Variants in SAXO1 observed in about 807,000 individuals in gnomAD.
The protein encoded by SAXO1 is 4930500O09Rik.
In SAXO1, 21 loss-of-function variants were observed where a neutral mutation model predicts 17.5. That is an observed-to-expected ratio of 1.20 (90% CI 0.85 to 1.72). The LOEUF is 1.72. Among genes scored for constraint, SAXO1 ranks in the 40% most tolerant of loss-of-function variants. The probability of loss-of-function intolerance (pLI) is 0.00; values close to 1 mark genes in which losing one functional copy is unlikely to be tolerated. For missense variants in SAXO1, 843 were observed against 596.0 expected, an observed-to-expected ratio of 1.41 and a Z score of -4.32; for synonymous variants, 274 against 216.5, an observed-to-expected ratio of 1.27 and a Z score of -2.33.
rs75044005 is a variant in SAXO1, at chr9:19,008,845, C to T, written c.38+24026G>A. Among the ~76,000 whole-genome samples, 598 of 152,264 alleles carry T rather than the reference C, an allele frequency of 3.9e-3. 9 individuals carry two copies. Among genetic ancestry groups the T allele is most frequent in the East Asian group, 0.032 (165 of 5,182 alleles). On this transcript the variant is annotated intron_variant, in intron 1 of 3. Transcript: ENST00000380534. ...CAGGTCCAGGAGCAACTGTGTCTGG[C>T]AAACATACCTGTTCTCTGGGAGCCC... is the stretch of plus-strand genomic sequence containing the variant.
intron 1 of SAXO1, among the ~76,000 whole-genome samples, chr9:18,976,250 T>G (rs1472852004): frequency 6.6e-6 from 1 of 152,150 alleles, no homozygotes; most frequent in Non-Finnish European, 1.5e-5. Flanking sequence ...GGGGTTCATC[T>G]CTTCTCTAGG....
chr9:18,969,624 C>T (rs1473450520), intron 1 of SAXO1, among the ~76,000 whole-genome samples: 2 of 152,202 alleles, frequency 1.3e-5, no homozygotes. Flanking sequence ...AAACTAGATT[C>T]CTTGGTGAGA....
upstream of SAXO1, among the ~76,000 whole-genome samples, chr9:19,036,439 G>A (rs1287695801): frequency 6.6e-6 from 1 of 152,022 alleles, no homozygotes; most frequent in African/African-American, 2.4e-5. Context: ...CCCATCACAG[G>A]CCCGCAGGCC....
At chr9:19,039,338 T>C (rs1026971546) in intron 1 of SAXO1, among the ~76,000 whole-genome samples, 2 of 152,224 alleles carry the variant, frequency 1.3e-5, no homozygotes, top group African/African-American at 4.8e-5. Context: ...TGGGATGTGA[T>C]TATAACTCTA....
chr9:19,022,919 G>A (rs1283794235), intron 1 of SAXO1, among the ~76,000 whole-genome samples: 1 of 152,136 alleles, frequency 6.6e-6, no homozygotes, highest in Non-Finnish European at 1.5e-5. Flanking sequence ...AATCCCCAGA[G>A]TCATTGTTTT....
At chr9:18,950,623 G>C in intron 2 of SAXO1, 135 bp downstream of exon 2, 2 of 725,462 alleles carry the variant, frequency 2.8e-6, no homozygotes, top group East Asian at 5.3e-5. Flanking sequence ...AGTACATTAA[G>C]GCATTAATAT....
At chr9:19,037,555 T>C (rs1414879360), upstream of SAXO1, among the ~76,000 whole-genome samples, 3 of 152,134 alleles carry the variant, frequency 2.0e-5, no homozygotes, top group Non-Finnish European at 4.4e-5. Context: ...TCCTCCTCAT[T>C]TTTTTCTCTT....
rs767042921 is a variant in SAXO1 at position 18,950,948 on chromosome 9, C to T, written c.39-11G>A. ...GGACAGTGATGCCGCCTATAAAAGACACAGAGTTAGGTTGATTACCTTCTT... is the reference window on the plus strand; with the variant it reads ...GGACAGTGATGCCGCCTATAAAAGATACAGAGTTAGGTTGATTACCTTCTT... On this transcript the variant is annotated splice_polypyrimidine_tract_variant and intron_variant, in intron 1 of 3. Coordinates refer to ENST00000380534, the MANE Select transcript of SAXO1 (RefSeq NM_153707.4). The T allele has an allele frequency of 3.5e-5, 57 of 1,608,558 alleles. No individual in the cohort carries two copies. The East Asian group carries it at 1.1e-3, about 31-fold the overall frequency.
intron 1 of SAXO1, among the ~76,000 whole-genome samples, chr9:18,998,792 A>T (rs1028527300): frequency 1.3e-5 from 2 of 152,082 alleles, no homozygotes; most frequent in East Asian, 3.9e-4. Context: ...AAGCCAGAAA[A>T]AGGGGCCATT....
At chr9:18,948,998 T>C (rs1455921093) in intron 2 of SAXO1, among the ~76,000 whole-genome samples, 4 of 152,224 alleles carry the variant, frequency 2.6e-5, no homozygotes, top group Non-Finnish European at 5.9e-5. Context: ...GGACTCTTAC[T>C]TGGTGTTGAC....
intron 2 of SAXO1, among the ~76,000 whole-genome samples, chr9:18,943,275 G>A (rs905498045): frequency 2.0e-5 from 3 of 152,174 alleles, no homozygotes; most frequent in Non-Finnish European, 4.4e-5. Flanking sequence ...ATATATCTTA[G>A]CGGCAGTTAT....
intron 1 of SAXO1, among the ~76,000 whole-genome samples, chr9:19,041,328 C>G (rs545656794): frequency 6.6e-6 from 1 of 152,118 alleles, no homozygotes; most frequent in Non-Finnish European, 1.5e-5. Flanking sequence ...ATTCCATGTA[C>G]ATGGATTGGA....
chr9:18,975,488 G>T (rs1047477041), intron 1 of SAXO1, among the ~76,000 whole-genome samples: 7 of 152,194 alleles, frequency 4.6e-5, no homozygotes, highest in Non-Finnish European at 7.3e-5. Context: ...GGAATCATTT[G>T]CCCTCCCTAC....
At chr9:19,001,678 A>AG (rs1834274491) in intron 1 of SAXO1, among the ~76,000 whole-genome samples, 1 of 151,864 alleles carries the variant, frequency 6.6e-6, no homozygotes, top group Non-Finnish European at 1.5e-5. Context: ...AAAAAAAAAA[A>AG]GATGTTCTTT....
In SAXO1 at chr9:18,938,881, G is replaced by T. The variant is rs111959852; in HGVS notation, c.421+2756C>A. ...GTGTGTGTGTGTTGAGCGGTAAGTA[G>T]TCTGCTGGGGAGAAGTAGGGAGGAC... is the stretch of plus-strand genomic sequence containing the variant. On this transcript the variant is annotated intron_variant, in intron 3 of 3. Transcript: ENST00000380534. Among the ~76,000 whole-genome samples the T allele has an allele frequency of 5.5e-4, 80 of 144,196 alleles. 1 individual carries two copies. The highest frequency in any genetic ancestry group is 2.0e-3 in the African/African-American group (78 of 39,406). The allele number at this position is 144,196 out of a possible 152,430, so 94.6% of individuals were successfully genotyped here.
chr9:18,986,869 A>T (rs548811223), intron 1 of SAXO1, among the ~76,000 whole-genome samples: 2 of 152,202 alleles, frequency 1.3e-5, no homozygotes, highest in African/African-American at 4.8e-5. Flanking sequence ...GCATTGTTTT[A>T]ATAAAATCAG....
intron 1 of SAXO1, among the ~76,000 whole-genome samples, chr9:18,968,716 C>G (rs1412790577): frequency 2.6e-5 from 4 of 151,940 alleles, no homozygotes; most frequent in African/African-American, 9.7e-5. Context: ...GCCTCAGCCT[C>G]TGGAGTAGCT....
At chr9:19,039,189 AG>A (rs1222160799) in intron 1 of SAXO1, among the ~76,000 whole-genome samples, 1 of 152,218 alleles carries the variant, frequency 6.6e-6, no homozygotes, top group Non-Finnish European at 1.5e-5. Context: ...ACATATAAAA[AG>A]GATTAAACAC....
At chr9:19,030,131 A>C in intron 1 of SAXO1, among the ~76,000 whole-genome samples, 1 of 152,176 alleles carries the variant, frequency 6.6e-6, no homozygotes, top group Non-Finnish European at 1.5e-5. Context: ...CGGGCCTTAC[A>C]AGTCCAGCAG....
Sources: gnomAD v4.1 joint callset for allele counts (sites outside exome capture counted in the v4.1 genomes callset) on GRCh38, gnomAD v4.1.1 for gene constraint, MANE v1.5 for transcripts, NCBI Gene and HGNC (gene_info 2026-07-23, HGNC 2026-07-21) for gene names.